The following TRPA1 variants were observed in gnomAD, a reference collection of about 807,000 sequenced individuals.
The protein encoded by TRPA1 is ankyrin-like with transmembrane domains 1.
TRPA1 carries 129 observed loss-of-function variants against 131.3 expected under a neutral mutation model. That is an observed-to-expected ratio of 0.98 (90% CI 0.85 to 1.14). TRPA1 has a LOEUF of 1.14. Among genes scored for constraint, TRPA1 ranks in the 50% most tolerant of loss-of-function variants. The pLI is 0.00. For missense variants in TRPA1, 1,304 were observed against 1,354.2 expected (o/e 0.96, Z 0.58); for synonymous variants, 441 against 451.7 (o/e 0.98, Z 0.30).
chr8:72,061,808 A>G, intron 6 of TRPA1, 47 bp from the exon 7 acceptor site: 2 of 1,600,952 alleles, frequency 1.2e-6, no homozygotes, highest in Non-Finnish European at 1.7e-6. Context: ...TCTCAATGAA[A>G]GAATATAACT....
At position 72,036,420 on chromosome 8, in the gene TRPA1, T is replaced by C; in HGVS notation, c.2423A>G (p.Glu808Gly). ...NYFMDISNVLEWIIYTTGIIF... is the reference protein window; with the variant it reads ...NYFMDISNVLGWIIYTTGIIF... ...GATGCCCGTCGTGTAGATAATCCATTCAAGAACATTGCTTATATCCATAAA... is the reference window on the plus strand; with the variant it reads ...GATGCCCGTCGTGTAGATAATCCATCCAAGAACATTGCTTATATCCATAAA... The change falls in exon 21 of 27, where the codon GAA (glutamate) becomes GGA (glycine). Residue 808 changes from glutamate (E) to glycine (G), a missense_variant. Transcript: ENST00000262209. 1 of 1,613,788 alleles carries C rather than the reference T, an allele frequency of 6.2e-7. No homozygotes were observed. Among genetic ancestry groups the C allele is most frequent in the Non-Finnish European group, 8.5e-7 (1 of 1,179,870 alleles).
At chr8:72,080,899 C>G in the TRPA1 span, among the ~76,000 whole-genome samples, 1 of 151,666 alleles carries the variant, frequency 6.6e-6, no homozygotes, top group South Asian at 2.1e-4. Flanking sequence ...TAATAATGCC[C>G]CTTCTTTCAT....
rs1220725162 is a variant in TRPA1, at chr8:72,057,767, A to G, written c.1043T>C (p.Leu348Ser). ...ATTCCAAGATGCAGAAGCAGTTGCT[A>G]ATATAAGTGGAGAGCGTCCTTCAGA... ...IDSEGRSPLI[L>S]ATASASWNIV... Residue 348 changes from leucine to serine, a missense_variant, in exon 9 of 27, where the codon TTA becomes TCA. Leu to Ser is a moderately radical substitution (Grantham distance 145). Coordinates refer to ENST00000262209, the MANE Select transcript of TRPA1 (RefSeq NM_007332.3). 5.6e-6 allele frequency: 9 copies of G among 1,613,828 alleles called. 1 individual carries two copies. Among genetic ancestry groups the G allele is most frequent in the African/African-American group, 4.0e-5 (3 of 74,918 alleles).
At chr8:72,044,306 C>T (rs1391525728) in intron 17 of TRPA1, among the ~76,000 whole-genome samples, 1 of 151,308 alleles carries the variant, frequency 6.6e-6, no homozygotes, top group African/African-American at 2.4e-5. Flanking sequence ...TTAATGGTTT[C>T]TTCAAGCTAA....
upstream of TRPA1, chr8:72,075,655 G>A (rs1806164447): frequency 5.5e-6 from 3 of 549,746 alleles, no homozygotes; most frequent in Admixed American, 3.1e-5. Flanking sequence ...AGGTAGAAAC[G>A]CGGAGCTCCT....
At chr8:72,060,001 A>C (rs151247091) in intron 7 of TRPA1, among the ~76,000 whole-genome samples, 1 of 152,144 alleles carries the variant, frequency 6.6e-6, no homozygotes, top group Admixed American at 6.5e-5. Context: ...AATACTAATG[A>C]CTTAAAGCTT....
Position 72,022,821 on chromosome 8 carries a change from C to G in TRPA1, c.*85G>C. On this transcript the variant is annotated 3_prime_UTR_variant, in exon 27 of 27. Transcript: ENST00000262209. ...ACACGCAGCAAAATGAATCATTCTG[C>G]TTCTTCCTCACTCTTTTTAAATTGA... 7.8e-7 allele frequency: 1 copy of G among 1,276,092 alleles called. No individual in the cohort carries two copies. The allele number at this position is 1,276,092 out of a possible 1,614,324, so 79.0% of individuals were successfully genotyped here.
At chr8:72,075,834 G>A (rs1233274337), upstream of TRPA1, among the ~76,000 whole-genome samples, 7 of 150,294 alleles carry the variant, frequency 4.7e-5, no homozygotes, top group Admixed American at 4.6e-4. Context: ...GAGGCCCCTT[G>A]CCCTGCCCCC....
intron 14 of TRPA1, among the ~76,000 whole-genome samples, chr8:72,051,598 TCA>T (rs1180404820): frequency 6.6e-6 from 1 of 152,186 alleles, no homozygotes; most frequent in African/African-American, 2.4e-5. Flanking sequence ...AAAGGGATGA[TCA>T]GTCGGAGATT....
Position 72,031,594 on chromosome 8 carries a change from C to CAA in TRPA1, c.2869-1627_2869-1626dup, listed in dbSNP as rs59300122. 1.1e-3 allele frequency among the ~76,000 whole-genome samples: 159 copies of CAA among 144,776 alleles called. 1 individual carries two copies. The highest frequency in any genetic ancestry group is 3.6e-3 in the East Asian group (18 of 4,976). 95.0% of individuals were successfully genotyped at this position (144,776 alleles called of 152,430 possible). ...TCCTATCTCAAAAAAAACAAAAAAACAAAAAAAAAACAAAAAAACAAAAAA... is the reference window on the plus strand; with the variant it reads ...TCCTATCTCAAAAAAAACAAAAAAACAAAAAAAAAAAACAAAAAAACAAAAAA... On this transcript the variant is annotated intron_variant, in intron 23 of 26. Coordinates refer to ENST00000262209, the MANE Select transcript of TRPA1 (RefSeq NM_007332.3).
At chr8:72,063,400 A>G in intron 5 of TRPA1, 63 bp downstream of exon 5, 1 of 1,230,466 alleles carries the variant, frequency 8.1e-7, no homozygotes, top group Non-Finnish European at 1.2e-6. Flanking sequence ...AAAAAATCAA[A>G]TTAATAGCAT....
chr8:72,053,811 G>T lies in TRPA1; in HGVS notation c.1586C>A (p.Thr529Asn). Residue 529 changes from threonine (T) to asparagine (N), a missense_variant, in exon 13 of 27, where the codon ACC becomes AAC. Coordinates refer to ENST00000262209, the MANE Select transcript of TRPA1 (RefSeq NM_007332.3). Reference protein sequence around the residue: ...HHASMGGYTQTMKVILDTNLK... With the variant: ...HHASMGGYTQNMKVILDTNLK... ...ATTAGTATCAAGAATGACCTTCATG[G>T]TCTGAGTGTACCCGCCCATGGACGC... The T allele has an allele frequency of 3.7e-6, 6 of 1,612,502 alleles. No individual in the cohort carries two copies. Among genetic ancestry groups the T allele is most frequent in the Non-Finnish European group, 5.1e-6 (6 of 1,179,856 alleles).
intron 24 of TRPA1, among the ~76,000 whole-genome samples, chr8:72,027,928 C>T (rs1359946748): frequency 1.3e-5 from 2 of 152,142 alleles, no homozygotes; most frequent in Admixed American, 6.5e-5. Flanking sequence ...TGCTTTTCAG[C>T]TCAACCCCAC....
intron 25 of TRPA1, 49 bp from the exon 26 acceptor site, chr8:72,023,960 C>A (rs1412663055): frequency 3.0e-6 from 4 of 1,311,494 alleles, no homozygotes; most frequent in African/African-American, 2.9e-5. Flanking sequence ...AATTCAGGAA[C>A]TTTTTCTTAA....
intron 13 of TRPA1, 57 bp downstream of exon 13, chr8:72,053,696 G>T: frequency 7.7e-7 from 1 of 1,302,186 alleles, no homozygotes; most frequent in Non-Finnish European, 1.1e-6. Flanking sequence ...TTCTGGCAAT[G>T]TTGGAAGTTT....
chr8:72,040,644 G>A (rs550392136), intron 17 of TRPA1, among the ~76,000 whole-genome samples: 204 of 152,194 alleles, frequency 1.3e-3, no homozygotes, highest in African/African-American at 4.7e-3. Context: ...TATCTTGCCT[G>A]AATCTAAGCT....
At chr8:72,084,375 C>A in the TRPA1 span, among the ~76,000 whole-genome samples, 1 of 143,926 alleles carries the variant, frequency 6.9e-6, no homozygotes, top group African/African-American at 3.0e-5. Context: ...ATATCTGTTC[C>A]CACTGTCTTG....
chr8:72,038,800 G>A lies in TRPA1; in HGVS notation c.2295+65C>T. ...ATATGTCAGATTTATTATGGGTTTA[G>A]TAGTCTTAAGAAAAAATACATTTTT... On this transcript the variant is annotated intron_variant, in intron 19 of 26. Coordinates refer to ENST00000262209, the MANE Select transcript of TRPA1 (RefSeq NM_007332.3). 3 of 1,376,798 alleles carry A rather than the reference G, an allele frequency of 2.2e-6. No homozygotes were observed. The South Asian group carries it at 3.7e-5, about 17-fold the overall frequency. 85.3% of individuals were successfully genotyped at this position (1,376,798 alleles called of 1,614,324 possible).
Position 72,059,397 on chromosome 8 carries a change from A to G in TRPA1, c.986T>C (p.Ile329Thr). Residue 329 changes from isoleucine (I) to threonine (T), a missense_variant, in exon 8 of 27, where the codon ATT (isoleucine) becomes ACT (threonine). Ile to Thr is a moderately conservative substitution (Grantham distance 89). Coordinates refer to ENST00000262209, the MANE Select transcript of TRPA1 (RefSeq NM_007332.3). ...FDHHELADYL[I>T]SVGADINKID... is the part of the protein sequence containing the mutation. ...AGTAAAAGGAATAGTTACCACTGAAATTAAATAGTCTGCTAGCTCATGGTG... is the reference window on the plus strand; with the variant it reads ...AGTAAAAGGAATAGTTACCACTGAAGTTAAATAGTCTGCTAGCTCATGGTG... The G allele has an allele frequency of 6.3e-7, 1 of 1,575,816 alleles. No individual in the cohort carries two copies. The highest frequency in any genetic ancestry group is 8.7e-7 in the Non-Finnish European group (1 of 1,151,350).
Sources: gnomAD v4.1 joint callset for allele counts (sites outside exome capture counted in the v4.1 genomes callset) on GRCh38, gnomAD v4.1.1 for gene constraint, MANE v1.5 for transcripts, NCBI Gene and HGNC (gene_info 2026-07-23, HGNC 2026-07-21) for gene names.